Variants in POLR2J observed in about 807,000 individuals in gnomAD.
POLR2J encodes RNA polymerase II subunit J.
In POLR2J, 12 loss-of-function variants were observed where a neutral mutation model predicts 13.4. The ratio of observed to expected loss-of-function variants is 0.90; its 90% CI spans 0.57 to 1.45. The LOEUF is 1.45. Among genes scored for constraint, POLR2J ranks in the 40% most tolerant of loss-of-function variants. The pLI is 0.00. For missense variants in POLR2J, 58 were observed against 132.0 expected, an observed-to-expected ratio of 0.44 and a Z score of 2.75; for synonymous variants, 31 against 53.6, an observed-to-expected ratio of 0.58 and a Z score of 1.84.
intron 1 of POLR2J, among the ~76,000 whole-genome samples, chr7:102,478,607 C>G (rs1341779869): frequency 1.3e-5 from 2 of 151,252 alleles, no homozygotes; most frequent in East Asian, 3.9e-4. Context: ...TGCTCGCCTC[C>G]AAGCCTCAGT....
chr7:102,475,230 C>T (rs1055294592), intron 2 of POLR2J, among the ~76,000 whole-genome samples: 1 of 152,246 alleles, frequency 6.6e-6, no homozygotes, highest in African/African-American at 2.4e-5. Flanking sequence ...ACTGGGCAGA[C>T]CCCACTCACA....
chr7:102,474,703 AC>A (rs2133282630), intron 2 of POLR2J, among the ~76,000 whole-genome samples, 168 bp from the exon 3 acceptor site: 2 of 120,942 alleles, frequency 1.7e-5, no homozygotes, highest in African/African-American at 5.4e-5. Flanking sequence ...ATGTGGGGAC[AC>A]CCTATCCCCG....
chr7:102,473,510 C>T lies in POLR2J; in HGVS notation c.*139G>A, dbSNP rs909487397. 1.0e-4 allele frequency: 135 copies of T among 1,303,400 alleles called. No individual in the cohort carries two copies. Among genetic ancestry groups the T allele is most frequent in the Non-Finnish European group, 1.3e-4 (126 of 950,706 alleles). The allele number at this position is 1,303,400 out of a possible 1,614,324, so 80.7% of individuals were successfully genotyped here. A position where few individuals can be genotyped will look rare whatever the true frequency, so the allele number is the denominator to read the frequency against. ...TAAAACCTAATCTATGTACAGGACACGTCGGTGTCAGGGTGAGGGGTGGCC... is the reference window on the plus strand; with the variant it reads ...TAAAACCTAATCTATGTACAGGACATGTCGGTGTCAGGGTGAGGGGTGGCC... On this transcript the variant is annotated 3_prime_UTR_variant, in exon 4 of 4. Coordinates refer to ENST00000292614, the MANE Select transcript of POLR2J (RefSeq NM_006234.6).
chr7:102,473,311 C>A lies in POLR2J; in HGVS notation c.*338G>T. On this transcript the variant is annotated 3_prime_UTR_variant, in exon 4 of 4. Coordinates refer to ENST00000292614, the MANE Select transcript of POLR2J (RefSeq NM_006234.6). ...ACTTCTCTCCGGCTCAGCACAGCCC[C>A]CGCAGCAGCCCCTGGACCCCGGATC... 1.8e-6 allele frequency: 1 copy of A among 571,016 alleles called. No homozygotes were observed. The highest frequency in any genetic ancestry group is 3.0e-6 in the Non-Finnish European group (1 of 331,738). 35.4% of individuals were successfully genotyped at this position (571,016 alleles called of 1,614,324 possible). A position where few individuals can be genotyped will look rare whatever the true frequency, so the allele number is the denominator to read the frequency against.
intron 3 of POLR2J, 131 bp from the exon 4 acceptor site, chr7:102,473,815 G>A: frequency 6.7e-7 from 1 of 1,485,560 alleles, no homozygotes. Flanking sequence ...CCAGGACAGT[G>A]GAGCAGCCAA....
chr7:102,473,182 T>A lies in POLR2J; in HGVS notation c.*467A>T. On this transcript the variant is annotated 3_prime_UTR_variant, in exon 4 of 4. Transcript: ENST00000292614. Reference sequence around the variant, plus strand: ...TGTGGACAAGAAGCCTGTGGAAAGGTGTTTCGAGTTATGCAGGAAGAAGTG... The same window carrying A: ...TGTGGACAAGAAGCCTGTGGAAAGGAGTTTCGAGTTATGCAGGAAGAAGTG... 9.3e-7 allele frequency: 1 copy of A among 1,070,600 alleles called. No homozygotes were observed. The highest frequency in any genetic ancestry group is 1.3e-6 in the Non-Finnish European group (1 of 759,180). 66.3% of individuals were successfully genotyped at this position (1,070,600 alleles called of 1,614,324 possible). A position where few individuals can be genotyped will look rare whatever the true frequency, so the allele number is the denominator to read the frequency against.
chr7:102,474,126 C>T, intron 3 of POLR2J: 4 of 1,499,374 alleles, frequency 2.7e-6, no homozygotes, highest in Non-Finnish European at 3.6e-6. Flanking sequence ...GCCCACAGCA[C>T]CCGAGGGACC....
Position 102,478,905 on chromosome 7 carries a change from C to T in POLR2J, c.-45G>A. 1.2e-6 allele frequency: 2 copies of T among 1,609,506 alleles called. No individual in the cohort carries two copies. Among genetic ancestry groups the T allele is most frequent in the South Asian group, 1.1e-5 (1 of 90,952 alleles). On this transcript the variant is annotated 5_prime_UTR_variant, in exon 1 of 4. Transcript: ENST00000292614. Reference sequence around the variant, plus strand: ...CCAGACCCCAAGGGTCCGCCGCCGCCGCCACCAGAGCCCTAATAAGAGGCC... The same window carrying T: ...CCAGACCCCAAGGGTCCGCCGCCGCTGCCACCAGAGCCCTAATAAGAGGCC...
rs1320889779 is a variant in POLR2J at position 102,473,238 on chromosome 7, AG to A, written c.*410del. 2.1e-5 allele frequency: 15 copies of A among 707,332 alleles called. No homozygotes were observed. In the South Asian group the frequency reaches 3.0e-4, roughly 14 times the overall value. 43.8% of individuals were successfully genotyped at this position (707,332 alleles called of 1,614,324 possible). ...GCTTTGACTGACAGGCAGGCCCAGGAGTTGAGGCTTCTAGAGCAGAGACTCT... is the reference window on the plus strand; with the variant it reads ...GCTTTGACTGACAGGCAGGCCCAGGATTGAGGCTTCTAGAGCAGAGACTCT... On this transcript the variant is annotated 3_prime_UTR_variant, in exon 4 of 4. Transcript: ENST00000292614.
At position 102,478,864 on chromosome 7, in the gene POLR2J, C is replaced by G. The variant is rs771408408; in HGVS notation, c.-4G>C. 6.2e-7 allele frequency: 1 copy of G among 1,610,576 alleles called. No homozygotes were observed. Reference sequence around the variant, plus strand: ...CGAAGGCTGGAGGGGCGTTCATGCTCCCGCCGCCGTTGCGTCCAGACCCCA... The same window carrying G: ...CGAAGGCTGGAGGGGCGTTCATGCTGCCGCCGCCGTTGCGTCCAGACCCCA... On this transcript the variant is annotated 5_prime_UTR_variant, in exon 1 of 4. Coordinates refer to ENST00000292614, the MANE Select transcript of POLR2J (RefSeq NM_006234.6).
At chr7:102,474,157 C>T in intron 3 of POLR2J, 1 of 1,533,398 alleles carries the variant, frequency 6.5e-7, no homozygotes, top group Non-Finnish European at 8.8e-7. Flanking sequence ...ACAGAAGTCC[C>T]ATGGGGCAGA....
rs549837206 is a variant in POLR2J, at chr7:102,478,801, C to A, written c.53+7G>T. 3.7e-6 allele frequency: 6 copies of A among 1,610,598 alleles called. No homozygotes were observed. The African/African-American group carries it at 6.7e-5, about 18-fold the overall frequency. ...CACCTCGGCCCGCCGCAGCCGGCGT[C>A]ACTTACTTCTTCTCGCCCTCGAAGA... is the stretch of plus-strand genomic sequence containing the variant. On this transcript the variant is annotated splice_region_variant and intron_variant, in intron 1 of 3. Transcript: ENST00000292614.
In POLR2J at chr7:102,473,454, A is replaced by G. The variant is rs1586747358; in HGVS notation, c.*195T>C. On this transcript the variant is annotated 3_prime_UTR_variant, in exon 4 of 4. Coordinates refer to ENST00000292614, the MANE Select transcript of POLR2J (RefSeq NM_006234.6). ...GTCACCGCTGCTCAAGTCCACATCC[A>G]GGTCTCTCCCGCTATACTTTATTAG... 2.6e-6 allele frequency: 2 copies of G among 768,296 alleles called. No individual in the cohort carries two copies. The highest frequency in any genetic ancestry group is 4.0e-6 in the Non-Finnish European group (2 of 504,546). 47.6% of individuals were successfully genotyped at this position (768,296 alleles called of 1,614,324 possible). A position where few individuals can be genotyped will look rare whatever the true frequency, so the allele number is the denominator to read the frequency against.
intron 2 of POLR2J, 79 bp from the exon 3 acceptor site, chr7:102,474,614 G>C: frequency 7.1e-7 from 1 of 1,408,056 alleles, no homozygotes; most frequent in Non-Finnish European, 9.7e-7. Context: ...CAGAAGAACA[G>C]ACTTTCTAGC....
chr7:102,475,884 G>C (rs1798416041), intron 2 of POLR2J, among the ~76,000 whole-genome samples: 2 of 136,414 alleles, frequency 1.5e-5, no homozygotes, highest in Non-Finnish European at 3.3e-5. Flanking sequence ...TCGTGCCATT[G>C]CACTCCAGCC....
chr7:102,474,316 C>G (rs1798348525), intron 3 of POLR2J, 45 bp downstream of exon 3: 2 of 1,611,720 alleles, frequency 1.2e-6, no homozygotes, highest in Non-Finnish European at 1.7e-6. Context: ...GCACACGGGC[C>G]AGTGTCCAGC....
chr7:102,473,162 A>C lies in POLR2J; in HGVS notation c.*487T>G. 8.1e-7 allele frequency: 1 copy of C among 1,237,814 alleles called. No individual in the cohort carries two copies. Among genetic ancestry groups the C allele is most frequent in the Non-Finnish European group, 1.1e-6 (1 of 898,254 alleles). The allele number at this position is 1,237,814 out of a possible 1,614,324, so 76.7% of individuals were successfully genotyped here. On this transcript the variant is annotated 3_prime_UTR_variant, in exon 4 of 4. Transcript: ENST00000292614. The stretch of plus-strand genomic sequence containing the variant: ...ATATTTTTATTAAACTCTACTGTGG[A>C]CAAGAAGCCTGTGGAAAGGTGTTTC...
Position 102,474,456 on chromosome 7 carries a change from C to G in POLR2J, c.223G>C (p.Val75Leu). ...GGGCTGTAGTCCGGCGTGGTCTGCA[C>G]TCGGATGATGATCTTGTGCTCCAAG... ...HPLEHKIIIR[V>L]QTTPDYSPQE... The change falls in exon 3 of 4, where the codon GTG (valine) becomes CTG (leucine). Residue 75 changes from valine to leucine, a missense_variant. Transcript: ENST00000292614. The G allele has an allele frequency of 6.2e-7, 1 of 1,607,312 alleles. No individual in the cohort carries two copies. Among genetic ancestry groups the G allele is most frequent in the Non-Finnish European group, 8.5e-7 (1 of 1,177,546 alleles).
chr7:102,475,304 A>G (rs376610706), intron 2 of POLR2J, among the ~76,000 whole-genome samples: 39 of 152,174 alleles, frequency 2.6e-4, no homozygotes, highest in African/African-American at 4.6e-4. Flanking sequence ...CAGTAAAATG[A>G]CAAGTCCCTG....
Sources: allele counts gnomAD v4.1 joint callset (sites outside exome capture counted in the v4.1 genomes callset), GRCh38; gene constraint gnomAD v4.1.1; transcripts MANE v1.5; gene names NCBI Gene and HGNC (gene_info 2026-07-23, HGNC 2026-07-21).